Variants in SMARCA2 observed in about 807,000 individuals in gnomAD.
SMARCA2 encodes the protein SWI/SNF-related matrix-associated actin-dependent regulator of chromatin subfamily A member 2.
Under a neutral mutation model 199.8 loss-of-function variants are expected in SMARCA2, and 61 were observed. That is an observed-to-expected ratio of 0.31 (90% CI 0.25 to 0.38). The LOEUF (loss-of-function observed/expected upper bound fraction) is 0.38. Among genes scored for constraint, SMARCA2 ranks in the 10% least tolerant of loss-of-function variants. SMARCA2 has a pLI of 1.00. For missense variants in SMARCA2, 1,344 were observed against 2,012.2 expected (o/e 0.67, Z 6.35); for synonymous variants, 935 against 732.0 (o/e 1.28, Z -4.48).
intron 9 of SMARCA2, among the ~76,000 whole-genome samples, chr9:2,064,885 C>T (rs1346740686): frequency 5.9e-5 from 9 of 152,208 alleles, no homozygotes; most frequent in Admixed American, 5.9e-4. Context: ...CTGCCTATTG[C>T]TTAAAAGTTT....
chr9:2,069,629 C>T (rs984034305), intron 9 of SMARCA2, among the ~76,000 whole-genome samples: 24 of 151,798 alleles, frequency 1.6e-4, no homozygotes, highest in Non-Finnish European at 3.5e-4. Context: ...AAAATTTTCC[C>T]ATTTACACAT....
Position 2,191,420 on chromosome 9 carries a change from C to A in SMARCA2, c.4737+12C>A, listed in dbSNP as rs769322005. 2 of 1,613,714 alleles carry A rather than the reference C, an allele frequency of 1.2e-6. No individual in the cohort carries two copies. The highest frequency in any genetic ancestry group is 1.7e-5 in the Admixed American group (1 of 60,008). On this transcript the variant is annotated intron_variant, in intron 33 of 33. Coordinates refer to ENST00000349721, the MANE Select transcript of SMARCA2 (RefSeq NM_003070.5). ...AGCAGGATGAACGTGTAAGTGTAGC[C>A]GACTGGGACTGAAGGCGGAGACGCC...
At chr9:2,157,928 G>T (rs925883394) in intron 27 of SMARCA2, 7 of 398,352 alleles carry the variant, frequency 1.8e-5, no homozygotes, top group African/African-American at 1.4e-4. Context: ...CTGGACCCAC[G>T]TGTGGCTGCT....
rs1821174036 is a variant in SMARCA2 at position 2,073,402 on chromosome 9, G to A, written c.1877+60G>A. ...TAGCTTTTTAGATTTTGGTAATCTTGTACGATCTCGAAACTAAAACTACAC... is the reference window on the plus strand; with the variant it reads ...TAGCTTTTTAGATTTTGGTAATCTTATACGATCTCGAAACTAAAACTACAC... On this transcript the variant is annotated intron_variant, in intron 11 of 33. Transcript: ENST00000349721. 2.5e-6 allele frequency: 4 copies of A among 1,600,928 alleles called. No individual in the cohort carries two copies. The Admixed American group carries it at 6.8e-5, about 27-fold the overall frequency.
intron 29 of SMARCA2, among the ~76,000 whole-genome samples, chr9:2,176,221 A>T (rs1011955444): frequency 3.9e-5 from 5 of 127,178 alleles, no homozygotes; most frequent in African/African-American, 1.7e-4. Flanking sequence ...CGTAACAAGC[A>T]TTTTTTTCTT....
At chr9:2,188,434 G>C (rs1015757712) in intron 32 of SMARCA2, among the ~76,000 whole-genome samples, 1 of 152,084 alleles carries the variant, frequency 6.6e-6, no homozygotes, top group Non-Finnish European at 1.5e-5. Context: ...ATTCTAGTTA[G>C]TGATTCTGCC....
intron 32 of SMARCA2, among the ~76,000 whole-genome samples, chr9:2,187,975 G>A (rs1291464900): frequency 6.6e-6 from 1 of 152,040 alleles, no homozygotes; most frequent in Non-Finnish European, 1.5e-5. Flanking sequence ...GGAAAAAAAG[G>A]TAACGTCTCA....
chr9:2,087,661 A>G (rs918394362), intron 18 of SMARCA2, among the ~76,000 whole-genome samples: 1 of 152,064 alleles, frequency 6.6e-6, no homozygotes, highest in African/African-American at 2.4e-5. Context: ...TCTTCTCTTA[A>G]GAGCTCATTT....
intron 27 of SMARCA2, among the ~76,000 whole-genome samples, chr9:2,126,123 T>C (rs1586731410): frequency 6.6e-6 from 1 of 152,230 alleles, no homozygotes; most frequent in African/African-American, 2.4e-5. Flanking sequence ...AGCATTTCTC[T>C]TTTTAGCGCA....
At chr9:2,172,973 C>T (rs1240566042) in intron 29 of SMARCA2, among the ~76,000 whole-genome samples, 1 of 152,064 alleles carries the variant, frequency 6.6e-6, no homozygotes, top group Non-Finnish European at 1.5e-5. Flanking sequence ...GAAGATAGTC[C>T]TTAAAATAAG....
rs202041998 is a variant in SMARCA2 at position 2,088,475 on chromosome 9, A to G, written c.2770-25A>G. 63 of 1,557,116 alleles carry G rather than the reference A, an allele frequency of 4.0e-5. No homozygotes were observed. The African/African-American group carries it at 7.6e-4, about 19-fold the overall frequency. ...AAACATCCTTTTCTTTAAAAAATCA[A>G]ATTCATAATAAGCCTCTCTTACAGG... On this transcript the variant is annotated intron_variant, in intron 18 of 33. Transcript: ENST00000349721.
At chr9:2,120,896 G>A (rs1309489684) in intron 26 of SMARCA2, among the ~76,000 whole-genome samples, 1 of 152,092 alleles carries the variant, frequency 6.6e-6, no homozygotes, top group African/African-American at 2.4e-5. Context: ...ACTCACACTG[G>A]TCAGCATAAT....
intron 9 of SMARCA2, among the ~76,000 whole-genome samples, chr9:2,062,001 C>T (rs563966506): frequency 6.6e-6 from 1 of 152,238 alleles, no homozygotes; most frequent in East Asian, 1.9e-4. Context: ...AGGAATACCT[C>T]ATTTTCTTGT....
chr9:2,083,255 G>A, intron 15 of SMARCA2, 92 bp from the exon 16 acceptor site: 2 of 756,754 alleles, frequency 2.6e-6, no homozygotes, highest in Non-Finnish European at 4.3e-6. Flanking sequence ...CCCCTTTCAA[G>A]GTGAGGCCTG....
intron 24 of SMARCA2, among the ~76,000 whole-genome samples, chr9:2,114,550 TC>T (rs1340361095): frequency 6.6e-6 from 1 of 152,138 alleles, no homozygotes; most frequent in Non-Finnish European, 1.5e-5. Context: ...ATCTATACAG[TC>T]TAATGGGAGA....
Position 2,153,280 on chromosome 9 carries a change from T to C in SMARCA2, c.3982-8406T>C, listed in dbSNP as rs185214754. Among the ~76,000 whole-genome samples, 6 of 152,350 alleles carry C rather than the reference T, an allele frequency of 3.9e-5. No homozygotes were observed. The East Asian group carries it at 1.2e-3, about 29-fold the overall frequency. ...GGCCAGATGTGATTGCTTGCTCCTGTAATCCCAACACTTTGGGAGGCCAAA... is the reference window on the plus strand; with the variant it reads ...GGCCAGATGTGATTGCTTGCTCCTGCAATCCCAACACTTTGGGAGGCCAAA... On this transcript the variant is annotated intron_variant, in intron 27 of 33. Transcript: ENST00000349721.
In SMARCA2 at chr9:2,169,749, C is replaced by T. The variant is rs1377126119; in HGVS notation, c.4200-670C>T. On this transcript the variant is annotated intron_variant, in intron 28 of 33. Coordinates refer to ENST00000349721, the MANE Select transcript of SMARCA2 (RefSeq NM_003070.5). The surrounding 1 kb of genome is among the most constrained non-coding windows in gnomAD (Gnocchi z 6.5). ...GCTTCCCTGCCACCACAAAAAGGGACACCAACCTAGCAGTTTCAAAAATCC... is the reference window on the plus strand; with the variant it reads ...GCTTCCCTGCCACCACAAAAAGGGATACCAACCTAGCAGTTTCAAAAATCC... Among the ~76,000 whole-genome samples, 1 of 152,154 alleles carries T rather than the reference C, an allele frequency of 6.6e-6. No homozygotes were observed. The highest frequency in any genetic ancestry group is 1.9e-4 in the East Asian group (1 of 5,194).
intron 1 of SMARCA2, 83 bp from the exon 2 acceptor site, chr9:2,028,904 C>G: frequency 8.7e-7 from 1 of 1,143,924 alleles, no homozygotes; most frequent in Non-Finnish European, 1.3e-6. Context: ...AGAAATGGCA[C>G]CATCAAATGC....
intron 2 of SMARCA2, 187 bp from the exon 3 acceptor site, chr9:2,032,765 A>C (rs1819127545): frequency 2.0e-6 from 1 of 490,638 alleles, no homozygotes. Flanking sequence ...TCCACTGTTT[A>C]AAGACTTAAC....
Sources: gnomAD v4.1 joint callset for allele counts (sites outside exome capture counted in the v4.1 genomes callset) on GRCh38, gnomAD v4.1.1 for gene constraint, Gnocchi (gnomAD v3.1) non-coding constraint, MANE v1.5 for transcripts, NCBI Gene and HGNC (gene_info 2026-07-23, HGNC 2026-07-21) for gene names.